SLC39A6: variants seen among roughly 807,000 people sequenced by gnomAD.
SLC39A6 encodes solute carrier family 39 member 6.
Under a neutral mutation model 63.5 loss-of-function variants are expected in SLC39A6, and 51 were observed. The ratio of observed to expected loss-of-function variants is 0.80; its 90% CI spans 0.64 to 1.01. The LOEUF is 1.01. Among genes scored for constraint, SLC39A6 ranks in the 50% least tolerant of loss-of-function variants. The pLI is 0.00. For missense variants in SLC39A6, 805 were observed against 927.8 expected, an observed-to-expected ratio of 0.87 and a Z score of 1.72; for synonymous variants, 318 against 324.7, an observed-to-expected ratio of 0.98 and a Z score of 0.22.
chr18:36,124,425 G>T, intron 3 of SLC39A6, 95 bp downstream of exon 3: 1 of 740,966 alleles, frequency 1.3e-6, no homozygotes, highest in Non-Finnish European at 2.1e-6. Flanking sequence ...ATTCAGAATT[G>T]TACTGGAAAA....
chr18:36,110,573 C>T (rs1352250292), intron 9 of SLC39A6, among the ~76,000 whole-genome samples: 1 of 151,540 alleles, frequency 6.6e-6, no homozygotes, highest in Non-Finnish European at 1.5e-5. Flanking sequence ...GAGTCTTGCT[C>T]TGTTGTCCAG....
chr18:36,121,741 T>C lies in SLC39A6; in HGVS notation c.1359+311A>G, dbSNP rs1178511467. Among the ~76,000 whole-genome samples the C allele has an allele frequency of 2.0e-5, 3 of 152,248 alleles. No individual in the cohort carries two copies. In the East Asian group the frequency reaches 5.8e-4, roughly 29 times the overall value. ...AATAAATATTGATAGTGTATCCATG[T>C]ATACACGATGCTTCTGGTCTTCAAG... On this transcript the variant is annotated intron_variant, in intron 5 of 9. Coordinates refer to ENST00000269187, the MANE Select transcript of SLC39A6 (RefSeq NM_012319.4).
chr18:36,114,860 G>T (rs919098067), intron 6 of SLC39A6, among the ~76,000 whole-genome samples: 1 of 152,058 alleles, frequency 6.6e-6, no homozygotes. Flanking sequence ...TCTTAGAGAA[G>T]TAATGAAAAT....
At chr18:36,113,470 C>T (rs892481021) in intron 7 of SLC39A6, among the ~76,000 whole-genome samples, 21 of 152,094 alleles carry the variant, frequency 1.4e-4, no homozygotes, top group Admixed American at 1.2e-3. Context: ...GAAGAGCACT[C>T]GACTCCCAGG....
At chr18:36,119,287 G>GT (rs921665351) in intron 5 of SLC39A6, among the ~76,000 whole-genome samples, 2 of 152,140 alleles carry the variant, frequency 1.3e-5, no homozygotes, top group Non-Finnish European at 2.9e-5. Flanking sequence ...AAGAGAACAT[G>GT]TAACATTTGC....
At position 36,116,657 on chromosome 18, in the gene SLC39A6, T is replaced by C. The variant is rs759762004; in HGVS notation, c.1465+17A>G. On this transcript the variant is annotated intron_variant, in intron 6 of 9. Transcript: ENST00000269187. Reference sequence around the variant, plus strand: ...ATGAACTCCCTCCAGCCCTAAAATTTATGCATAAGAACTTACGATCATCTG... The same window carrying C: ...ATGAACTCCCTCCAGCCCTAAAATTCATGCATAAGAACTTACGATCATCTG... 9 of 1,542,286 alleles carry C rather than the reference T, an allele frequency of 5.8e-6. No homozygotes were observed. The East Asian group carries it at 6.7e-5, about 12-fold the overall frequency.
In SLC39A6 at chr18:36,122,145, C is replaced by T. The variant is rs1284279204; in HGVS notation, c.1266G>A (p.Trp422Ter). The change falls in exon 5 of 10, where the codon TGG becomes TGA. Residue 422 changes from tryptophan (W) to a stop codon, truncating the protein, a stop_gained. Coordinates refer to ENST00000269187, the MANE Select transcript of SLC39A6 (RefSeq NM_012319.4). LOFTEE classifies it high-confidence loss of function. ...GGCCTCCTAGAGCTGTTAGACCCTT[C>T]CACGTGGAATCAAAATAGGCACTTT... ...IEESAYFDST[W>*]KGLTALGGLY... The T allele has an allele frequency of 1.2e-6, 2 of 1,613,934 alleles. No individual in the cohort carries two copies. The highest frequency in any genetic ancestry group is 2.7e-5 in the African/African-American group (2 of 74,904).
At chr18:36,121,209 T>C (rs929005322) in intron 5 of SLC39A6, among the ~76,000 whole-genome samples, 1 of 151,830 alleles carries the variant, frequency 6.6e-6, no homozygotes, top group South Asian at 2.1e-4. Flanking sequence ...CAGGCTGGAG[T>C]GCAGTGGTAT....
intron 9 of SLC39A6, among the ~76,000 whole-genome samples, chr18:36,110,478 G>A (rs1167843099): frequency 1.3e-5 from 2 of 149,338 alleles, no homozygotes; most frequent in Admixed American, 6.7e-5. Flanking sequence ...ATTCTTATAT[G>A]CCACAAATTT....
intron 5 of SLC39A6, among the ~76,000 whole-genome samples, chr18:36,118,773 C>T (rs1321316967): frequency 6.6e-6 from 1 of 152,154 alleles, no homozygotes; most frequent in Non-Finnish European, 1.5e-5. Flanking sequence ...CAAATCACTG[C>T]CCGCTCTGTG....
At chr18:36,110,108 A>G (rs894730732) in intron 9 of SLC39A6, among the ~76,000 whole-genome samples, 1 of 152,222 alleles carries the variant, frequency 6.6e-6, no homozygotes, top group East Asian at 1.9e-4. Context: ...ACCTTATACT[A>G]TATAAGATAC....
At chr18:36,111,961 T>C (rs1363073128) in intron 8 of SLC39A6, among the ~76,000 whole-genome samples, 1 of 151,994 alleles carries the variant, frequency 6.6e-6, no homozygotes, top group Non-Finnish European at 1.5e-5. Flanking sequence ...TGGTAATGCA[T>C]AAAAAACAGC....
chr18:36,111,941 C>T (rs2089304161), intron 8 of SLC39A6, among the ~76,000 whole-genome samples: 1 of 152,084 alleles, frequency 6.6e-6, no homozygotes, highest in South Asian at 2.1e-4. Context: ...AGATGATCAG[C>T]AAATGATAAT....
At chr18:36,120,167 T>G (rs968288586) in intron 5 of SLC39A6, among the ~76,000 whole-genome samples, 24 of 152,002 alleles carry the variant, frequency 1.6e-4, no homozygotes, top group African/African-American at 5.6e-4. Flanking sequence ...CTCCCAGAGG[T>G]GCAAGATGGC....
At position 36,126,426 on chromosome 18, in the gene SLC39A6, A is replaced by C. The variant is rs752126858; in HGVS notation, c.582T>G (p.Thr194=). 2.1e-5 allele frequency: 34 copies of C among 1,614,242 alleles called. No individual in the cohort carries two copies. The highest frequency in any genetic ancestry group is 2.8e-5 in the Non-Finnish European group (33 of 1,180,036). ...CTAGAAAGTGAGTTCCTTCAGAGAC[A>C]GTGTTGTACACAGTTGAGGTCACTT... ...ASEVTSTVYN[T]VSEGTHFLET... is the part of the protein sequence containing the mutation. Residue 194 remains threonine (T), a synonymous_variant, in exon 2 of 10, where the codon ACT becomes ACG. Transcript: ENST00000269187.
At position 36,122,266 on chromosome 18, in the gene SLC39A6, T is replaced by G. The variant is rs745831209; in HGVS notation, c.1145A>C (p.His382Pro). 2 of 1,606,170 alleles carry G rather than the reference T, an allele frequency of 1.2e-6. No individual in the cohort carries two copies. The highest frequency in any genetic ancestry group is 1.7e-6 in the Non-Finnish European group (2 of 1,175,452). Residue 382 changes from histidine (H) to proline (P), a missense_variant, in exon 5 of 10, where the codon CAT becomes CCT. Transcript: ENST00000269187. Reference sequence around the variant, plus strand: ...GCTATGACTATGGTGGTGACTTGCATGAGACTGAAGGCAAAATAATTTGTT... The same window carrying G: ...GCTATGACTATGGTGGTGACTTGCAGGAGACTGAAGGCAAAATAATTTGTT... ...DAFLHLLPHSHASHHHSHSHE... is the reference protein window; with the variant it reads ...DAFLHLLPHSPASHHHSHSHE...
chr18:36,122,075 G>A lies in SLC39A6; in HGVS notation c.1336C>T (p.Gln446Ter), dbSNP rs1813698479. 1.2e-6 allele frequency: 2 copies of A among 1,611,772 alleles called. No individual in the cohort carries two copies. Among genetic ancestry groups the A allele is most frequent in the Non-Finnish European group, 1.7e-6 (2 of 1,178,798 alleles). Residue 446 changes from glutamine (Q) to a stop codon, truncating the protein, a stop_gained, in exon 5 of 10, where the codon CAA becomes TAA. Transcript: ENST00000269187. LOFTEE classifies it high-confidence loss of function. ...LVEHVLTLIK[Q>*]FKDKKKKNQK... ...ACCTTTTTCTTCTTATCTTTAAATTGTTTGATCAATGTGAGGACATGTTCA... is the reference window on the plus strand; with the variant it reads ...ACCTTTTTCTTCTTATCTTTAAATTATTTGATCAATGTGAGGACATGTTCA...
chr18:36,115,838 A>T (rs2089341023), intron 6 of SLC39A6, among the ~76,000 whole-genome samples: 1 of 152,204 alleles, frequency 6.6e-6, no homozygotes, highest in South Asian at 2.1e-4. Flanking sequence ...TATGCCAAGC[A>T]AACAGCCAAG....
Position 36,126,606 on chromosome 18 carries a change from A to T in SLC39A6, c.402T>A (p.His134Gln), listed in dbSNP as rs2089439948. Residue 134 changes from histidine (H) to glutamine (Q), a missense_variant, in exon 2 of 10, where the codon CAT becomes CAA. This residue lies in a region of SLC39A6 where 639 missense variants were observed against 644.0 expected (regional missense o/e 0.99). Transcript: ENST00000269187. ...SDHDHHSHHN[H>Q]AASGKNKRKA... Reference sequence around the variant, plus strand: ...TTCGCTTATTTTTACCAGAAGCAGCATGATTATGGTGAGAGTGATGATCAT... The same window carrying T: ...TTCGCTTATTTTTACCAGAAGCAGCTTGATTATGGTGAGAGTGATGATCAT... 1 of 1,614,198 alleles carries T rather than the reference A, an allele frequency of 6.2e-7. No individual in the cohort carries two copies. Among genetic ancestry groups the T allele is most frequent in the Non-Finnish European group, 8.5e-7 (1 of 1,180,040 alleles).
Sources: gnomAD v4.1 joint callset for allele counts (sites outside exome capture counted in the v4.1 genomes callset) on GRCh38, gnomAD v4.1.1 for gene constraint, gnomAD v4.1.1 regional missense constraint, MANE v1.5 for transcripts, NCBI Gene and HGNC (gene_info 2026-07-23, HGNC 2026-07-21) for gene names.